The following DISC1 variants were observed in gnomAD, a reference collection of about 807,000 sequenced individuals.
DISC1 encodes the protein disrupted in schizophrenia 1 protein.
A neutral mutation model predicts 84.5 loss-of-function variants in DISC1; 57 were observed. That is an observed-to-expected ratio of 0.67 (90% CI 0.55 to 0.84). The LOEUF (loss-of-function observed/expected upper bound fraction) is 0.84, where lower values mean the gene tolerates loss of function less well. Among genes scored for constraint, DISC1 ranks in the 40% least tolerant of loss-of-function variants. The pLI is 0.00. For missense variants in DISC1, 1,000 were observed against 1,057.8 expected (o/e 0.95, Z 0.76); for synonymous variants, 411 against 415.2 (o/e 0.99, Z 0.12).
At chr1:231,662,290 G>T (rs2061625676) in intron 1 of DISC1, among the ~76,000 whole-genome samples, 1 of 152,222 alleles carries the variant, frequency 6.6e-6, no homozygotes, top group African/African-American at 2.4e-5. Flanking sequence ...GTGCTGCATT[G>T]TGGCAGACCC....
intron 3 of DISC1, among the ~76,000 whole-genome samples, chr1:231,714,927 T>G (rs2068478717): frequency 6.6e-6 from 1 of 152,182 alleles, no homozygotes; most frequent in Non-Finnish European, 1.5e-5. Flanking sequence ...AATTAGACCA[T>G]TTTTTTGATG....
At chr1:231,717,750 C>G (rs1440842674) in intron 3 of DISC1, among the ~76,000 whole-genome samples, 2 of 152,324 alleles carry the variant, frequency 1.3e-5, no homozygotes, top group East Asian at 3.9e-4. Flanking sequence ...GACAATTCCA[C>G]AACCTCCTTA....
intron 9 of DISC1, among the ~76,000 whole-genome samples, chr1:231,847,341 CA>C (rs2083526427): frequency 6.6e-6 from 1 of 152,080 alleles, no homozygotes; most frequent in South Asian, 2.1e-4. Context: ...ACCGTGTCTC[CA>C]AAAAGTCACA....
At chr1:231,991,689 T>A (rs1190659900) in intron 10 of DISC1, among the ~76,000 whole-genome samples, 6 of 152,210 alleles carry the variant, frequency 3.9e-5, no homozygotes, top group Non-Finnish European at 8.8e-5. Flanking sequence ...CAAAGTATGT[T>A]ACTTTTTTTT....
chr1:232,036,053 A>G (rs1670488504), intron 12 of DISC1, among the ~76,000 whole-genome samples: 1 of 152,162 alleles, frequency 6.6e-6, no homozygotes, highest in African/African-American at 2.4e-5. Context: ...GATGGACTCT[A>G]TCAAGTCTTG....
At chr1:232,015,872 A>G (rs1308556265) in intron 11 of DISC1, among the ~76,000 whole-genome samples, 2 of 152,010 alleles carry the variant, frequency 1.3e-5, no homozygotes, top group Non-Finnish European at 2.9e-5. Context: ...GCCCCCAGGT[A>G]TTTCCTGGAA....
chr1:231,688,217 T>C (rs1303677810), intron 1 of DISC1, among the ~76,000 whole-genome samples: 2 of 152,164 alleles, frequency 1.3e-5, no homozygotes, highest in Non-Finnish European at 2.9e-5. Flanking sequence ...TGTATGAGTA[T>C]GTACAAATGT....
At chr1:231,783,641 A>T (rs543118458) in intron 6 of DISC1, among the ~76,000 whole-genome samples, 1 of 152,336 alleles carries the variant, frequency 6.6e-6, no homozygotes, top group African/African-American at 2.4e-5. Flanking sequence ...ACTGGACTTC[A>T]ATGCATGCTG....
chr1:231,842,645 G>A (rs1020824739), intron 9 of DISC1, among the ~76,000 whole-genome samples: 1 of 152,158 alleles, frequency 6.6e-6, no homozygotes, highest in African/African-American at 2.4e-5. Context: ...TGGATGGAGT[G>A]TGAGCTGTGT....
Position 231,833,837 on chromosome 1 carries a change from G to A in DISC1, c.1981+15320G>A, listed in dbSNP as rs1024693865. Among the ~76,000 whole-genome samples, 5 of 152,278 alleles carry A rather than the reference G, an allele frequency of 3.3e-5. No individual in the cohort carries two copies. The East Asian group carries it at 9.6e-4, about 29-fold the overall frequency. On this transcript the variant is annotated intron_variant, in intron 9 of 12. Transcript: ENST00000439617. ...ACTTGGCTGCCTCTACTCTATTATT[G>A]TACACCTTGAAGGCACGGTTAATGA...
At chr1:231,845,658 G>A (rs996569113) in intron 9 of DISC1, among the ~76,000 whole-genome samples, 5 of 152,158 alleles carry the variant, frequency 3.3e-5, no homozygotes, top group African/African-American at 9.7e-5. Context: ...AAGGCAACTG[G>A]GTTCGGGAGC....
At chr1:231,691,862 C>T (rs964650425) in intron 1 of DISC1, among the ~76,000 whole-genome samples, 1 of 152,214 alleles carries the variant, frequency 6.6e-6, no homozygotes, top group East Asian at 1.9e-4. Flanking sequence ...CGGTCGGGCC[C>T]GGACACTGCA....
At chr1:231,967,744 G>T (rs561882419) in intron 10 of DISC1, among the ~76,000 whole-genome samples, 1 of 152,172 alleles carries the variant, frequency 6.6e-6, no homozygotes, top group African/African-American at 2.4e-5. Flanking sequence ...ACAAAGTTAA[G>T]TGAAATCATT....
intron 9 of DISC1, chr1:231,866,512 T>C (rs772939359): frequency 4.7e-5 from 38 of 802,066 alleles, no homozygotes; most frequent in Non-Finnish European, 7.5e-5. Flanking sequence ...TAATGTTCAC[T>C]ACTACCTTAG....
chr1:232,017,013 C>G (rs1396749912), intron 11 of DISC1, among the ~76,000 whole-genome samples: 4 of 152,148 alleles, frequency 2.6e-5, no homozygotes, highest in African/African-American at 9.7e-5. Flanking sequence ...AGACAAACAC[C>G]ATAAAATCTA....
At chr1:231,912,801 C>CTT (rs1340330970) in intron 9 of DISC1, among the ~76,000 whole-genome samples, 1 of 114,672 alleles carries the variant, frequency 8.7e-6, no homozygotes, top group Non-Finnish European at 1.9e-5. Context: ...TTCTTTCTTT[C>CTT]TTTCTTTTTC....
intron 1 of DISC1, among the ~76,000 whole-genome samples, chr1:231,681,855 T>C (rs1361847430): frequency 1.3e-5 from 2 of 152,076 alleles, no homozygotes; most frequent in East Asian, 1.9e-4. Flanking sequence ...TCTGCCATCA[T>C]ACCCTGCTAA....
chr1:232,021,578 A>T (rs971244181), intron 11 of DISC1, among the ~76,000 whole-genome samples: 10 of 152,308 alleles, frequency 6.6e-5, no homozygotes, highest in Middle Eastern at 3.4e-3. Flanking sequence ...TGAGCTTCAA[A>T]AATCTAGTCA....
At position 231,698,391 on chromosome 1, in the gene DISC1, T is replaced by C. The variant is rs538902058; in HGVS notation, c.1048-3564T>C. On this transcript the variant is annotated intron_variant, in intron 2 of 12. Coordinates refer to ENST00000439617, the MANE Select transcript of DISC1 (RefSeq NM_018662.3). This position sits in a 1 kb window ranked among gnomAD's most constrained non-coding sequence, Gnocchi z 4.9. ...ACTGAGAAGATGGTAATAAAGGTAGTTGGTGACCAGGCATGCAGAGGAGGG... is the reference window on the plus strand; with the variant it reads ...ACTGAGAAGATGGTAATAAAGGTAGCTGGTGACCAGGCATGCAGAGGAGGG... Among the ~76,000 whole-genome samples the C allele has an allele frequency of 2.0e-4, 30 of 152,260 alleles. No homozygotes were observed. The highest frequency in any genetic ancestry group is 1.1e-3 in the Admixed American group (17 of 15,278).
Sources: allele counts gnomAD v4.1 joint callset (sites outside exome capture counted in the v4.1 genomes callset), GRCh38; gene constraint gnomAD v4.1.1; non-coding constraint Gnocchi (gnomAD v3.1); transcripts MANE v1.5; gene names NCBI Gene and HGNC (gene_info 2026-07-23, HGNC 2026-07-21).